The following PEX3 variants were observed in gnomAD, a reference collection of about 807,000 sequenced individuals.
PEX3 encodes the protein peroxin-3.
Under a neutral mutation model 55.8 loss-of-function variants are expected in PEX3, and 30 were observed. The observed-to-expected ratio is 0.54, with a 90% confidence interval of 0.40 to 0.73. The LOEUF (loss-of-function observed/expected upper bound fraction) is 0.73, where lower values mean the gene tolerates loss of function less well. PEX3 is among the 30% of genes least tolerant of loss of function. PEX3 has a pLI of 0.00. For missense variants in PEX3, 351 were observed against 432.8 expected, an observed-to-expected ratio of 0.81 and a Z score of 1.68; for synonymous variants, 135 against 148.4, an observed-to-expected ratio of 0.91 and a Z score of 0.66.
chr6:143,468,124 C>T lies in PEX3; in HGVS notation c.290C>T (p.Pro97Leu). The T allele has an allele frequency of 1.3e-6, 2 of 1,557,312 alleles. No homozygotes were observed. The highest frequency in any genetic ancestry group is 8.8e-7 in the Non-Finnish European group (1 of 1,131,028). Residue 97 changes from proline to leucine, a missense_variant and splice_region_variant, in exon 4 of 12, where the codon CCT (proline) becomes CTT (leucine). By Grantham distance (98) the Pro-to-Leu change is moderately conservative (BLOSUM62 -3). Coordinates refer to ENST00000367591, the MANE Select transcript of PEX3 (RefSeq NM_003630.3). Reference protein sequence around the residue: ...ESLTALLKNRPSNKLEIWEDL... With the variant: ...ESLTALLKNRLSNKLEIWEDL... ...TATTTTTAAATTTTGTTCTTTAGGC[C>T]TTCAAACAAGCTAGAAATATGGGAG...
At chr6:143,474,259 C>A (rs997754768) in intron 8 of PEX3, among the ~76,000 whole-genome samples, 1 of 151,948 alleles carries the variant, frequency 6.6e-6, no homozygotes, top group African/African-American at 2.4e-5. Flanking sequence ...ACCAGTCTGA[C>A]CAATATGGTG....
intron 2 of PEX3, among the ~76,000 whole-genome samples, chr6:143,461,023 A>G (rs761228705): frequency 6.6e-6 from 1 of 152,154 alleles, no homozygotes; most frequent in Non-Finnish European, 1.5e-5. Context: ...CCTGTAAAGG[A>G]TAAAGGGGAA....
At position 143,471,291 on chromosome 6, in the gene PEX3, C is replaced by T; in HGVS notation, c.457-92C>T. Reference sequence around the variant, plus strand: ...TACTATTTTTCCCGTCATTTCAGATCTTGAAAAATCTCAGCCAAAGTTTTA... The same window carrying T: ...TACTATTTTTCCCGTCATTTCAGATTTTGAAAAATCTCAGCCAAAGTTTTA... On this transcript the variant is annotated intron_variant, in intron 5 of 11. Transcript: ENST00000367591. This position sits in a 1 kb window ranked among gnomAD's most constrained non-coding sequence, Gnocchi z 5.4. 8.6e-7 allele frequency: 1 copy of T among 1,161,188 alleles called. No homozygotes were observed. Among genetic ancestry groups the T allele is most frequent in the East Asian group, 2.4e-5 (1 of 42,432 alleles). The allele number at this position is 1,161,188 out of a possible 1,614,324, so 71.9% of individuals were successfully genotyped here. A position where few individuals can be genotyped will look rare whatever the true frequency, so the allele number is the denominator to read the frequency against.
At position 143,483,687 on chromosome 6, in the gene PEX3, C is replaced by G. The variant is rs1417406315; in HGVS notation, c.942-1465C>G. On this transcript the variant is annotated intron_variant, in intron 10 of 11. Coordinates refer to ENST00000367591, the MANE Select transcript of PEX3 (RefSeq NM_003630.3). This position sits in a 1 kb window ranked among gnomAD's most constrained non-coding sequence, Gnocchi z 4.3. ...AATTTACATTGTATGATTTCTTTGACTGGTTTGTGGAAAAGGAATTGGGTA... is the reference window on the plus strand; with the variant it reads ...AATTTACATTGTATGATTTCTTTGAGTGGTTTGTGGAAAAGGAATTGGGTA... Among the ~76,000 whole-genome samples the G allele has an allele frequency of 1.3e-5, 2 of 152,024 alleles. No homozygotes were observed. The highest frequency in any genetic ancestry group is 4.8e-5 in the African/African-American group (2 of 41,408).
rs143718115 is a variant in PEX3 at position 143,486,832 on chromosome 6, A to G, written c.1038+1584A>G. 1.5e-3 allele frequency among the ~76,000 whole-genome samples: 231 copies of G among 152,318 alleles called. 1 individual carries two copies. Among genetic ancestry groups the G allele is most frequent in the African/African-American group, 5.4e-3 (224 of 41,578 alleles). On this transcript the variant is annotated intron_variant, in intron 11 of 11. Transcript: ENST00000367591. The surrounding 1 kb of genome is among the most constrained non-coding windows in gnomAD (Gnocchi z 5.0). The stretch of plus-strand genomic sequence containing the variant: ...GGCAAACTGTACAGGGCCAGATAGT[A>G]CATACTTTAGGCTTAATGCAACATA...
chr6:143,471,428 A>G lies in PEX3; in HGVS notation c.502A>G (p.Ile168Val). 6.2e-7 allele frequency: 1 copy of G among 1,606,896 alleles called. No individual in the cohort carries two copies. The highest frequency in any genetic ancestry group is 8.5e-7 in the Non-Finnish European group (1 of 1,173,856). Residue 168 changes from isoleucine (I) to valine (V), a missense_variant, in exon 6 of 12, where the codon ATT becomes GTT. By Grantham distance (29) the Ile-to-Val change is conservative. Coordinates refer to ENST00000367591, the MANE Select transcript of PEX3 (RefSeq NM_003630.3). This position sits in a 1 kb window ranked among gnomAD's most constrained non-coding sequence, Gnocchi z 5.4. ...TGTCCAACAGCAGTATTTATCAAGT[A>G]TTCAGCACCTACTTGGAGATGGTAA... ...PDVQQQYLSS[I>V]QHLLGDGLTE...
chr6:143,468,450 G>C (rs1001531115), intron 4 of PEX3, among the ~76,000 whole-genome samples: 3 of 152,066 alleles, frequency 2.0e-5, no homozygotes, highest in Middle Eastern at 3.2e-3. Context: ...TTTAAAGGAA[G>C]TTTTTATTCC....
chr6:143,467,690 A>T (rs1780011108), intron 3 of PEX3, among the ~76,000 whole-genome samples: 1 of 152,198 alleles, frequency 6.6e-6, no homozygotes, highest in South Asian at 2.1e-4. Flanking sequence ...TTGAACATCG[A>T]TAGAGATAAT....
rs1037740599 is a variant in PEX3, at chr6:143,450,983, A to G, written c.-60A>G. ...GTCATCTGGGCCAGGTGACGAAGAA[A>G]CAGTTTCCTGGTGAAGCAGTCCCTC... On this transcript the variant is annotated 5_prime_UTR_variant, in exon 1 of 12. Coordinates refer to ENST00000367591, the MANE Select transcript of PEX3 (RefSeq NM_003630.3). 6.4e-6 allele frequency: 8 copies of G among 1,250,120 alleles called. No individual in the cohort carries two copies. In the Admixed American group the frequency reaches 1.0e-4, roughly 16 times the overall value. The allele number at this position is 1,250,120 out of a possible 1,614,324, so 77.4% of individuals were successfully genotyped here.
At position 143,471,614 on chromosome 6, in the gene PEX3, A is replaced by G. The variant is rs756845913; in HGVS notation, c.578+3A>G. 1.2e-6 allele frequency: 2 copies of G among 1,608,192 alleles called. No individual in the cohort carries two copies. Reference sequence around the variant, plus strand: ...GCTGTGCAGAAGGTTTTAGGAAGGTAAGGCATTTTTCTTTGACTTTTCTGA... The same window carrying G: ...GCTGTGCAGAAGGTTTTAGGAAGGTGAGGCATTTTTCTTTGACTTTTCTGA... On this transcript the variant is annotated splice_donor_region_variant and intron_variant, in intron 7 of 11. Transcript: ENST00000367591. This position sits in a 1 kb window ranked among gnomAD's most constrained non-coding sequence, Gnocchi z 5.4.
Position 143,458,215 on chromosome 6 carries a change from T to C in PEX3, c.74-870T>C, listed in dbSNP as rs1312421058. 6.6e-6 allele frequency among the ~76,000 whole-genome samples: 1 copy of C among 152,124 alleles called. No individual in the cohort carries two copies. The highest frequency in any genetic ancestry group is 6.6e-5 in the Admixed American group (1 of 15,264). ...AGGAAAACTGACTGCCCCTCAGATA[T>C]AGACTAAAATGTACACATATATATC... On this transcript the variant is annotated intron_variant, in intron 1 of 11. Transcript: ENST00000367591. The surrounding 1 kb of genome is among the most constrained non-coding windows in gnomAD (Gnocchi z 6.1).
In PEX3 at chr6:143,475,457, G is replaced by T. The variant is rs1751905904; in HGVS notation, c.818+601G>T. Among the ~76,000 whole-genome samples the T allele has an allele frequency of 6.6e-6, 1 of 152,058 alleles. No individual in the cohort carries two copies. The highest frequency in any genetic ancestry group is 2.1e-4 in the South Asian group (1 of 4,822). On this transcript the variant is annotated intron_variant, in intron 9 of 11. Coordinates refer to ENST00000367591, the MANE Select transcript of PEX3 (RefSeq NM_003630.3). This position sits in a 1 kb window ranked among gnomAD's most constrained non-coding sequence, Gnocchi z 4.4. ...GCTTGAGCCTAGGAGTTCAAGACCAGCCTGGGTAACATGGCAAAAACCCCA... is the reference window on the plus strand; with the variant it reads ...GCTTGAGCCTAGGAGTTCAAGACCATCCTGGGTAACATGGCAAAAACCCCA...
chr6:143,457,283 T>C (rs1779860082), intron 1 of PEX3, among the ~76,000 whole-genome samples: 1 of 152,204 alleles, frequency 6.6e-6, no homozygotes, highest in East Asian at 1.9e-4. Flanking sequence ...TGTAGCACTA[T>C]CATCAGTTTC....
Position 143,459,264 on chromosome 6 carries a change from T to C in PEX3, c.205+48T>C, listed in dbSNP as rs185058263. 7 of 1,536,706 alleles carry C rather than the reference T, an allele frequency of 4.6e-6. No homozygotes were observed. The East Asian group carries it at 1.4e-4, about 30-fold the overall frequency. On this transcript the variant is annotated intron_variant, in intron 2 of 11. Coordinates refer to ENST00000367591, the MANE Select transcript of PEX3 (RefSeq NM_003630.3). The surrounding 1 kb of genome is among the most constrained non-coding windows in gnomAD (Gnocchi z 4.2). ...CATGTGTAAAGTTGTTTGACGGTTG[T>C]ATTAATTTGCATATCACCGGGATCA...
chr6:143,472,396 T>G, intron 8 of PEX3, 68 bp downstream of exon 8: 1 of 1,138,496 alleles, frequency 8.8e-7, no homozygotes, highest in South Asian at 1.3e-5. Context: ...TCTCTTGAAA[T>G]TTTGATTTCT....
At chr6:143,473,697 C>T (rs1355811850) in intron 8 of PEX3, among the ~76,000 whole-genome samples, 1 of 151,976 alleles carries the variant, frequency 6.6e-6, no homozygotes, top group East Asian at 1.9e-4. Flanking sequence ...GATCCTGTCT[C>T]TAAAAATTAA....
In PEX3 at chr6:143,489,689, C is replaced by CT. The variant is rs1780363175; in HGVS notation, c.*467dup. On this transcript the variant is annotated 3_prime_UTR_variant, in exon 12 of 12. Coordinates refer to ENST00000367591, the MANE Select transcript of PEX3 (RefSeq NM_003630.3). The surrounding 1 kb of genome is among the most constrained non-coding windows in gnomAD (Gnocchi z 5.5). ...CTGCTGTAAACAGAAGTGAATCAGA[C>CT]TTTTCTCCAGCTACCTTTCAAAATA... 1 of 151,970 alleles carries CT rather than the reference C, an allele frequency of 6.6e-6. No homozygotes were observed. The highest frequency in any genetic ancestry group is 1.5e-5 in the Non-Finnish European group (1 of 67,954). The allele number at this position is 151,970 out of a possible 1,614,324, so 9.4% of individuals were successfully genotyped here. A position where few individuals can be genotyped will look rare whatever the true frequency, so the allele number is the denominator to read the frequency against.
In PEX3 at chr6:143,459,145, CT is replaced by C. The variant is rs1779885448; in HGVS notation, c.135del (p.Ala46GlnfsTer22). ...KKIREIQERE[A>X]AEYIAQARRQ... is the part of the protein sequence containing the mutation. ...ATCAGAGAAATACAGGAAAGGGAGG[CT>C]GCAGAATACATTGCCCAAGCACGAC... On this transcript the variant is annotated frameshift_variant, in exon 2 of 12. Transcript: ENST00000367591. LOFTEE classifies it high-confidence loss of function. This position sits in a 1 kb window ranked among gnomAD's most constrained non-coding sequence, Gnocchi z 4.2. 1 of 1,606,492 alleles carries C rather than the reference CT, an allele frequency of 6.2e-7. No individual in the cohort carries two copies. Among genetic ancestry groups the C allele is most frequent in the Non-Finnish European group, 8.5e-7 (1 of 1,173,362 alleles).
At position 143,474,944 on chromosome 6, in the gene PEX3, C is replaced by T. The variant is rs147919472; in HGVS notation, c.818+88C>T. 457 of 758,050 alleles carry T rather than the reference C, an allele frequency of 6.0e-4. No homozygotes were observed. The African/African-American group carries it at 6.2e-3, about 10-fold the overall frequency. The allele number at this position is 758,050 out of a possible 1,614,324, so 47.0% of individuals were successfully genotyped here. A position where few individuals can be genotyped will look rare whatever the true frequency, so the allele number is the denominator to read the frequency against. On this transcript the variant is annotated intron_variant, in intron 9 of 11. Transcript: ENST00000367591. ...TTTAGTTTTTCTTGAACAACATGGTCGGTATAATATTATATTAAAATTAAA... is the reference window on the plus strand; with the variant it reads ...TTTAGTTTTTCTTGAACAACATGGTTGGTATAATATTATATTAAAATTAAA...
Sources: allele counts gnomAD v4.1 joint callset (sites outside exome capture counted in the v4.1 genomes callset), GRCh38; gene constraint gnomAD v4.1.1; non-coding constraint Gnocchi (gnomAD v3.1); transcripts MANE v1.5; gene names NCBI Gene and HGNC (gene_info 2026-07-23, HGNC 2026-07-21).